The following KLRF2 variants were observed in gnomAD, a reference collection of about 807,000 sequenced individuals.
KLRF2 encodes the protein killer cell lectin-like receptor subfamily F member 2.
Under a neutral mutation model 25.3 loss-of-function variants are expected in KLRF2, and 28 were observed. The ratio of observed to expected loss-of-function variants is 1.11; its 90% CI spans 0.82 to 1.52. The LOEUF is 1.52. KLRF2 is among the 40% of genes most tolerant of loss of function. The pLI is 0.00. For missense variants in KLRF2, 265 were observed against 245.8 expected, an observed-to-expected ratio of 1.08 and a Z score of -0.52; for synonymous variants, 73 against 85.0, an observed-to-expected ratio of 0.86 and a Z score of 0.78.
Position 9,884,757 on chromosome 12 carries a change from A to G in KLRF2, c.71-177A>G, listed in dbSNP as rs188452376. On this transcript the variant is annotated intron_variant, in intron 1 of 5. Transcript: ENST00000535540. ...ATGTCAGTACAATCCAAAACGTTTA[A>G]TAATAGTAGTATCTCCTTGGTTTGG... 1.5e-3 allele frequency among the ~76,000 whole-genome samples: 227 copies of G among 151,506 alleles called. 1 individual carries two copies. The highest frequency in any genetic ancestry group is 4.8e-3 in the African/African-American group (198 of 41,506).
At chr12:9,885,695 ATATC>A (rs1254484369) in intron 2 of KLRF2, among the ~76,000 whole-genome samples, 5 of 151,976 alleles carry the variant, frequency 3.3e-5, no homozygotes, top group African/African-American at 7.2e-5. Flanking sequence ...ACAAGGGAAA[ATATC>A]AGACTTTTCT....
At chr12:9,891,062 G>C (rs879560903) in intron 3 of KLRF2, among the ~76,000 whole-genome samples, 1 of 83,504 alleles carries the variant, frequency 1.2e-5, no homozygotes, top group Non-Finnish European at 2.5e-5. Flanking sequence ...TTTTTTTTTT[G>C]CCCTTTATTT....
At chr12:9,884,040 A>G (rs1317422405) in intron 1 of KLRF2, among the ~76,000 whole-genome samples, 1 of 152,166 alleles carries the variant, frequency 6.6e-6, no homozygotes, top group Non-Finnish European at 1.5e-5. Context: ...AACTGACTAA[A>G]ATGATTGTAG....
At chr12:9,894,120 TTTTC>T (rs747130806) in intron 5 of KLRF2, among the ~76,000 whole-genome samples, 1 of 108,706 alleles carries the variant, frequency 9.2e-6, no homozygotes, top group Admixed American at 1.0e-4. Context: ...TTTTTCTTTC[TTTTC>T]TTTCTCTCTC....
chr12:9,890,733 G>A (rs770103357), intron 3 of KLRF2, among the ~76,000 whole-genome samples: 13 of 152,064 alleles, frequency 8.5e-5, no homozygotes, highest in African/African-American at 1.5e-4. Context: ...TCAAAATCCC[G>A]TCATCTTGCT....
At chr12:9,883,927 G>C (rs953115158) in intron 1 of KLRF2, among the ~76,000 whole-genome samples, 4 of 152,150 alleles carry the variant, frequency 2.6e-5, no homozygotes, top group African/African-American at 9.7e-5. Context: ...CAACCAAGGT[G>C]ATGAAATTAA....
intron 3 of KLRF2, among the ~76,000 whole-genome samples, chr12:9,888,991 A>G (rs969936249): frequency 6.6e-6 from 1 of 152,172 alleles, no homozygotes; most frequent in African/African-American, 2.4e-5. Context: ...TAGGAGGAAA[A>G]AAAATAGGGT....
At chr12:9,884,895 A>G (rs138111463) in intron 1 of KLRF2, 39 bp from the exon 2 acceptor site, 14,446 of 641,782 alleles carry the variant, frequency 0.023, 224 homozygotes, top group Middle Eastern at 0.049. Context: ...ATATTTATAA[A>G]GTGAATAATC....
chr12:9,893,960 A>G (rs1474590786), intron 5 of KLRF2, among the ~76,000 whole-genome samples: 3 of 152,156 alleles, frequency 2.0e-5, no homozygotes. Flanking sequence ...ATCAGAAAAC[A>G]TGAATTTAAA....
At position 9,893,453 on chromosome 12, in the gene KLRF2, C is replaced by A. The variant is rs576601; in HGVS notation, c.391C>A (p.Pro131Thr). 0.67 allele frequency: 996,455 copies of A among 1,485,286 alleles called. 340,214 individuals carry two copies. The highest frequency in any genetic ancestry group is 0.7 in the Middle Eastern group (4,107 of 5,872). The allele number at this position is 1,485,286 out of a possible 1,614,324, so 92.0% of individuals were successfully genotyped here. The change falls in exon 5 of 6, where the codon CCT (proline) becomes ACT (threonine). Residue 131 changes from proline (P) to threonine (T), a missense_variant. Transcript: ENST00000535540. ...GGAGTTCATACAGAACAGTTTAAAACCTGGACATTTTGGTTGGATTGGACT... is the reference window on the plus strand; with the variant it reads ...GGAGTTCATACAGAACAGTTTAAAAACTGGACATTTTGGTTGGATTGGACT... The part of the protein sequence containing the change: ...ELEFIQNSLK[P>T]GHFGWIGLYV...
At chr12:9,892,903 C>CG in intron 3 of KLRF2, 117 bp from the exon 4 acceptor site, 1 of 775,316 alleles carries the variant, frequency 1.3e-6, no homozygotes, top group Middle Eastern at 4.0e-4. Context: ...TTTTATTGAC[C>CG]AAAAAAAAAA....
intron 2 of KLRF2, among the ~76,000 whole-genome samples, chr12:9,885,714 C>T (rs1362719312): frequency 6.6e-6 from 1 of 151,858 alleles, no homozygotes; most frequent in African/African-American, 2.4e-5. Context: ...TTTTCTCAGA[C>T]CAAAGATATA....
Position 9,888,751 on chromosome 12 carries a change from C to T in KLRF2, c.188C>T (p.Ser63Phe), listed in dbSNP as rs1331562800. 1.3e-6 allele frequency: 2 copies of T among 1,502,784 alleles called. No individual in the cohort carries two copies. The highest frequency in any genetic ancestry group is 1.8e-6 in the Non-Finnish European group (2 of 1,117,062). 93.1% of individuals were successfully genotyped at this position (1,502,784 alleles called of 1,614,324 possible). A position where few individuals can be genotyped will look rare whatever the true frequency, so the allele number is the denominator to read the frequency against. ...AGTACAGATAAAAAAATGGATTTCTCCCAGAATGTAAACGTCAGCAGTCTA... is the reference window on the plus strand; with the variant it reads ...AGTACAGATAAAAAAATGGATTTCTTCCAGAATGTAAACGTCAGCAGTCTA... Reference protein sequence around the residue: ...LKFWHKKMDFSQNVNVSSLSG... With the variant: ...LKFWHKKMDFFQNVNVSSLSG... The change falls in exon 3 of 6, where the codon TCC becomes TTC. Residue 63 changes from serine (S) to phenylalanine (F), a missense_variant. Ser to Phe is a radical substitution (Grantham distance 155). Transcript: ENST00000535540.
At chr12:9,881,691 C>T (rs768616506) in intron 1 of KLRF2, 26 bp downstream of exon 1, 1 of 1,478,384 alleles carries the variant, frequency 6.8e-7, no homozygotes, top group South Asian at 1.2e-5. Flanking sequence ...CCCATCACCG[C>T]ATTTAAAATT....
At chr12:9,888,881 C>T (rs1862638588) in intron 3 of KLRF2, 101 bp downstream of exon 3, 3 of 623,170 alleles carry the variant, frequency 4.8e-6, no homozygotes, top group Non-Finnish European at 8.5e-6. Flanking sequence ...AAGCCAACAG[C>T]ACTGGTGGAG....
At chr12:9,888,054 CAAAAA>C (rs59382110) in intron 2 of KLRF2, among the ~76,000 whole-genome samples, 3 of 65,524 alleles carry the variant, frequency 4.6e-5, no homozygotes, top group Non-Finnish European at 7.9e-5. Context: ...GACCCTGTGT[CAAAAA>C]AAAAAAAAAA....
chr12:9,887,379 CA>C (rs899562994), intron 2 of KLRF2, among the ~76,000 whole-genome samples: 33 of 152,090 alleles, frequency 2.2e-4, no homozygotes, highest in African/African-American at 7.7e-4. Flanking sequence ...AGTTTTCCCC[CA>C]AAGCAAATTA....
rs1270695926 is a variant in KLRF2, at chr12:9,881,530, G to T, written c.-66G>T. 1.7e-6 allele frequency: 2 copies of T among 1,189,250 alleles called. No homozygotes were observed. The highest frequency in any genetic ancestry group is 2.4e-6 in the Non-Finnish European group (2 of 835,500). 73.7% of individuals were successfully genotyped at this position (1,189,250 alleles called of 1,614,324 possible). ...CTTGTGCCAAAGAGACATATCCAAG[G>T]TTGAGATTAGTTTCCATTTTCTTTG... is the stretch of plus-strand genomic sequence containing the variant. On this transcript the variant is annotated 5_prime_UTR_variant, in exon 1 of 6. Transcript: ENST00000535540.
At chr12:9,890,839 G>C (rs547123784) in intron 3 of KLRF2, among the ~76,000 whole-genome samples, 2 of 152,252 alleles carry the variant, frequency 1.3e-5, no homozygotes, top group East Asian at 3.9e-4. Context: ...TGCACCAGAG[G>C]CTGGACCTAT....
Sources: gnomAD v4.1 joint callset for allele counts (sites outside exome capture counted in the v4.1 genomes callset) on GRCh38, gnomAD v4.1.1 for gene constraint, MANE v1.5 for transcripts, NCBI Gene and HGNC (gene_info 2026-07-23, HGNC 2026-07-21) for gene names.